The following LHCGR variants were observed in gnomAD, a reference collection of about 807,000 sequenced individuals.
The protein encoded by LHCGR is luteinizing hormone/choriogonadotropin receptor.
Under a neutral mutation model 60.7 loss-of-function variants are expected in LHCGR, and 55 were observed. The observed-to-expected ratio is 0.91, with a 90% confidence interval of 0.73 to 1.13. LHCGR has a LOEUF of 1.13. Ranked by LOEUF, LHCGR falls within the 50% of genes most tolerant of loss-of-function variation. LHCGR has a pLI of 0.00. For synonymous variants in LHCGR, 337 were observed against 316.5 expected (o/e 1.06, Z -0.69); for missense variants, 862 against 836.0 (o/e 1.03, Z -0.38).
chr2:48,738,799 T>C (rs932094371), intron 1 of LHCGR, among the ~76,000 whole-genome samples: 29 of 152,248 alleles, frequency 1.9e-4, no homozygotes, highest in African/African-American at 6.0e-4. Flanking sequence ...TTTGTATTGA[T>C]AACATATTGA....
intron 1 of LHCGR, among the ~76,000 whole-genome samples, chr2:48,743,643 A>G (rs968714792): frequency 3.9e-5 from 6 of 152,036 alleles, no homozygotes; most frequent in African/African-American, 7.2e-5. Flanking sequence ...AAATTCAACA[A>G]CCCTTCATGC....
intron 1 of LHCGR, among the ~76,000 whole-genome samples, chr2:48,743,123 C>G (rs543732048): frequency 6.6e-6 from 1 of 152,352 alleles, no homozygotes; most frequent in Admixed American, 6.5e-5. Context: ...GACACATACA[C>G]TTTTCCAAGA....
chr2:48,726,169 G>A (rs1014355802), intron 3 of LHCGR, among the ~76,000 whole-genome samples: 3 of 152,026 alleles, frequency 2.0e-5, no homozygotes, highest in African/African-American at 4.8e-5. Flanking sequence ...AAGCAAACTC[G>A]TCCTCTTCAT....
chr2:48,740,301 A>G (rs1042896783), intron 1 of LHCGR, among the ~76,000 whole-genome samples: 24 of 152,222 alleles, frequency 1.6e-4, no homozygotes, highest in Middle Eastern at 3.2e-3. Context: ...GCTTAGGTAA[A>G]CAAAGCAGCC....
At chr2:48,735,455 G>A (rs1458531898) in intron 1 of LHCGR, among the ~76,000 whole-genome samples, 1 of 152,182 alleles carries the variant, frequency 6.6e-6, no homozygotes, top group Admixed American at 6.5e-5. Flanking sequence ...AATCCATCTA[G>A]GAGTAGGGCT....
chr2:48,737,658 G>C (rs1669259501), intron 1 of LHCGR, among the ~76,000 whole-genome samples: 1 of 152,238 alleles, frequency 6.6e-6, no homozygotes, highest in Admixed American at 6.5e-5. Flanking sequence ...CATTTACCTA[G>C]AGGGAGCTGA....
intron 8 of LHCGR, among the ~76,000 whole-genome samples, chr2:48,701,038 T>C (rs1345309264): frequency 1.3e-5 from 2 of 152,004 alleles, no homozygotes; most frequent in African/African-American, 4.8e-5. Flanking sequence ...AGCTAGGAAC[T>C]AGCACAGTCA....
At position 48,688,967 on chromosome 2, in the gene LHCGR, C is replaced by G; in HGVS notation, c.948-118G>C. On this transcript the variant is annotated intron_variant, in intron 10 of 10. Coordinates refer to ENST00000294954, the MANE Select transcript of LHCGR (RefSeq NM_000233.4). The surrounding 1 kb of genome is among the most constrained non-coding windows in gnomAD (Gnocchi z 5.2). ...GGAAACAAAGCCATAATAGCCTCAG[C>G]CTTACATTTATTTGTTAAATTATTT... 1 of 872,112 alleles carries G rather than the reference C, an allele frequency of 1.1e-6. No homozygotes were observed. Among genetic ancestry groups the G allele is most frequent in the Non-Finnish European group, 1.8e-6 (1 of 553,780 alleles). 54.0% of individuals were successfully genotyped at this position (872,112 alleles called of 1,614,324 possible).
chr2:48,708,363 T>G (rs1667800518), intron 8 of LHCGR, among the ~76,000 whole-genome samples: 1 of 152,176 alleles, frequency 6.6e-6, no homozygotes, highest in African/African-American at 2.4e-5. Context: ...CCCCTCATAT[T>G]TGGTGTTAGG....
intron 2 of LHCGR, 111 bp from the exon 3 acceptor site, chr2:48,729,338 C>T (rs193217617): frequency 1.2e-5 from 10 of 822,360 alleles, no homozygotes; most frequent in Non-Finnish European, 1.7e-5. Context: ...CACTGTGTCC[C>T]CCTGAAAAGA....
intron 8 of LHCGR, among the ~76,000 whole-genome samples, chr2:48,701,224 A>G (rs147234350): frequency 3.9e-5 from 6 of 152,278 alleles, no homozygotes; most frequent in African/African-American, 1.4e-4. Flanking sequence ...GGCGGGATCT[A>G]CAGTACGAAG....
At position 48,687,704 on chromosome 2, in the gene LHCGR, T is replaced by C. The variant is rs1180819727; in HGVS notation, c.2093A>G (p.Glu698Gly). 6.2e-7 allele frequency: 1 copy of C among 1,612,920 alleles called. No individual in the cohort carries two copies. Residue 698 changes from glutamate (E) to glycine (G), a missense_variant, in exon 11 of 11, where the codon GAG becomes GGG. Glu to Gly is a moderately conservative substitution (Grantham distance 98). Coordinates refer to ENST00000294954, the MANE Select transcript of LHCGR (RefSeq NM_000233.4). ...TALLDKTRYT[E>G]C ...CAGTTACTGATGTAACAGTTAACAC[T>C]CTGTGTAGCGAGTCTTGTCTAGGAG...
chr2:48,708,067 G>A (rs1667783923), intron 8 of LHCGR, among the ~76,000 whole-genome samples: 1 of 152,312 alleles, frequency 6.6e-6, no homozygotes, highest in East Asian at 1.9e-4. Context: ...GATGAACCAG[G>A]TACCTCAGTT....
At chr2:48,705,601 G>C (rs984427440) in intron 8 of LHCGR, among the ~76,000 whole-genome samples, 3 of 152,128 alleles carry the variant, frequency 2.0e-5, no homozygotes, top group Non-Finnish European at 1.5e-5. Flanking sequence ...ATATTTAGGA[G>C]AGTTAGCTCT....
intron 6 of LHCGR, chr2:48,720,751 G>A (rs1333571828): frequency 6.6e-6 from 1 of 152,168 alleles, no homozygotes; most frequent in East Asian, 1.9e-4. Flanking sequence ...ACATGACTCT[G>A]GAGCCATACT....
intron 6 of LHCGR, among the ~76,000 whole-genome samples, chr2:48,719,376 G>C (rs1668404679): frequency 1.3e-5 from 2 of 152,112 alleles, no homozygotes; most frequent in Non-Finnish European, 2.9e-5. Context: ...ACTGTGGCTT[G>C]TCATGGGTGC....
rs915505493 is a variant in LHCGR at position 48,754,022 on chromosome 2, A to C, written c.161+1489T>G. Among the ~76,000 whole-genome samples the C allele has an allele frequency of 2.0e-5, 3 of 152,282 alleles. No homozygotes were observed. In the East Asian group the frequency reaches 5.8e-4, roughly 29 times the overall value. On this transcript the variant is annotated intron_variant, in intron 1 of 10. Transcript: ENST00000294954. ...GAGAAAGTCTGTTAGTAGTACAGTC[A>C]TTCTTAAGAGCAACATGGCATGCTT...
At chr2:48,712,900 T>C (rs1668061542) in intron 7 of LHCGR, among the ~76,000 whole-genome samples, 1 of 152,154 alleles carries the variant, frequency 6.6e-6, no homozygotes, top group African/African-American at 2.4e-5. Context: ...CTGAAGTCTA[T>C]TCTTTTAGCC....
At chr2:48,752,346 A>C (rs1032910837) in intron 1 of LHCGR, among the ~76,000 whole-genome samples, 1 of 152,136 alleles carries the variant, frequency 6.6e-6, no homozygotes, top group African/African-American at 2.4e-5. Context: ...CAAATGACTA[A>C]AGCATAAATT....
Sources: gnomAD v4.1 joint callset for allele counts (sites outside exome capture counted in the v4.1 genomes callset) on GRCh38, gnomAD v4.1.1 for gene constraint, Gnocchi (gnomAD v3.1) non-coding constraint, MANE v1.5 for transcripts, NCBI Gene and HGNC (gene_info 2026-07-23, HGNC 2026-07-21) for gene names.